MCFD2: variants seen among roughly 807,000 people sequenced by gnomAD.
MCFD2 encodes the protein multiple coagulation factor deficiency 2, ER cargo receptor complex subunit, also known as multiple coagulation factor deficiency protein 2.
MCFD2 carries 11 observed loss-of-function variants against 12.8 expected under a neutral mutation model. That is an observed-to-expected ratio of 0.86 (90% CI 0.54 to 1.42). The LOEUF is 1.42. Among genes scored for constraint, MCFD2 ranks in the 40% most tolerant of loss-of-function variants. The pLI is 0.00. For synonymous variants in MCFD2, 70 were observed against 68.1 expected (o/e 1.03, Z -0.14); for missense variants, 191 against 178.6 (o/e 1.07, Z -0.40).
At chr2:46,926,677 T>A (rs1283432894) in intron 1 of MCFD2, among the ~76,000 whole-genome samples, 1 of 152,238 alleles carries the variant, frequency 6.6e-6, no homozygotes, top group Non-Finnish European at 1.5e-5. Context: ...AAAATTATCC[T>A]AAGCATCAGA....
chr2:46,922,124 G>A (rs996624405), intron 1 of MCFD2, among the ~76,000 whole-genome samples: 2 of 152,074 alleles, frequency 1.3e-5, no homozygotes, highest in Admixed American at 6.5e-5. Context: ...GTGCCCTTGA[G>A]CAGGCTGGCT....
chr2:46,931,658 C>T (rs145238942), intron 1 of MCFD2, among the ~76,000 whole-genome samples: 126 of 151,492 alleles, frequency 8.3e-4, no homozygotes, highest in African/African-American at 2.9e-3. Context: ...TAGAGGCCAG[C>T]TGGTTCTTTG....
intron 1 of MCFD2, among the ~76,000 whole-genome samples, chr2:46,932,231 C>T (rs1669744492): frequency 6.6e-6 from 1 of 151,558 alleles, no homozygotes; most frequent in Non-Finnish European, 1.5e-5. Flanking sequence ...CTCACTGCAA[C>T]CTCTTCCTCC....
At position 46,905,433 on chromosome 2, in the gene MCFD2, G is replaced by A; in HGVS notation, c.*30C>T. 1.2e-6 allele frequency: 2 copies of A among 1,610,574 alleles called. No homozygotes were observed. The highest frequency in any genetic ancestry group is 1.7e-6 in the Non-Finnish European group (2 of 1,178,656). On this transcript the variant is annotated 3_prime_UTR_variant, in exon 4 of 4. Coordinates refer to ENST00000319466, the MANE Select transcript of MCFD2 (RefSeq NM_139279.6). Reference sequence around the variant, plus strand: ...AATCACATTATCACGGGTCACATTTGTATATAACCAGGAGATGGCCAAATA... The same window carrying A: ...AATCACATTATCACGGGTCACATTTATATATAACCAGGAGATGGCCAAATA...
At chr2:46,918,433 C>T (rs1372524898), upstream of MCFD2, among the ~76,000 whole-genome samples, 1 of 152,200 alleles carries the variant, frequency 6.6e-6, no homozygotes, top group African/African-American at 2.4e-5. Context: ...ACTGACCGTC[C>T]TGCTTCCATT....
At chr2:46,920,193 T>A (rs548545892), upstream of MCFD2, among the ~76,000 whole-genome samples, 2 of 152,234 alleles carry the variant, frequency 1.3e-5, no homozygotes, top group Non-Finnish European at 2.9e-5. Context: ...TATGTATACA[T>A]TAATACATAA....
At chr2:46,919,499 C>T (rs557495727), upstream of MCFD2, among the ~76,000 whole-genome samples, 1 of 152,358 alleles carries the variant, frequency 6.6e-6, no homozygotes, top group South Asian at 2.1e-4. Context: ...CACCATTGCT[C>T]TTCAGCCTGG....
At position 46,941,073 on chromosome 2, in the gene MCFD2, G is replaced by C. The variant is rs1200100702; in HGVS notation, c.-8+499C>G. The C allele has an allele frequency of 6.7e-6, 1 of 149,752 alleles. No individual in the cohort carries two copies. The highest frequency in any genetic ancestry group is 6.7e-5 in the Admixed American group (1 of 15,036). 9.3% of individuals were successfully genotyped at this position (149,752 alleles called of 1,614,324 possible). On this transcript the variant is annotated intron_variant, in intron 1 of 2. Transcript: ENST00000409147. The surrounding 1 kb of genome is among the most constrained non-coding windows in gnomAD (Gnocchi z 4.2). ...GCGGCGGGGGGCGGGTACCCGGGCGGCCGCGAGCGCCCTTCGCGCGCCTGG... is the reference window on the plus strand; with the variant it reads ...GCGGCGGGGGGCGGGTACCCGGGCGCCCGCGAGCGCCCTTCGCGCGCCTGG...
upstream of MCFD2, chr2:46,915,807 C>CGGGGGGG: frequency 9.4e-5 from 8 of 84,830 alleles, no homozygotes; most frequent in South Asian, 8.5e-4. Flanking sequence ...CTCGGCTTCG[C>CGGGGGGG]CCCGCCCCCC....
In MCFD2 at chr2:46,902,826, C is replaced by T. The variant is rs1002129385; in HGVS notation, c.*2637G>A. On this transcript the variant is annotated 3_prime_UTR_variant, in exon 4 of 4. Transcript: ENST00000319466. Reference sequence around the variant, plus strand: ...GTTTGCCTGAAGAGATAGGAACCACCAGGGCAAACATTTGGTATTCACTCC... The same window carrying T: ...GTTTGCCTGAAGAGATAGGAACCACTAGGGCAAACATTTGGTATTCACTCC... 1.4e-4 allele frequency: 22 copies of T among 152,270 alleles called. No homozygotes were observed. The highest frequency in any genetic ancestry group is 5.3e-4 in the African/African-American group (22 of 41,568). 9.4% of individuals were successfully genotyped at this position (152,270 alleles called of 1,614,324 possible).
chr2:46,910,022 C>T (rs529045977), intron 1 of MCFD2, among the ~76,000 whole-genome samples: 6 of 152,238 alleles, frequency 3.9e-5, no homozygotes, highest in East Asian at 1.9e-4. Flanking sequence ...TCAAGGTCTG[C>T]GGCAGCGGAC....
Position 46,940,733 on chromosome 2 carries a change from G to A in MCFD2, c.-8+839C>T, listed in dbSNP as rs544292989. 1.3e-5 allele frequency among the ~76,000 whole-genome samples: 2 copies of A among 152,288 alleles called. No homozygotes were observed. The highest frequency in any genetic ancestry group is 2.4e-5 in the African/African-American group (1 of 41,572). Reference sequence around the variant, plus strand: ...CCAGCAGAGGGGCGTCCAGAGAGTCGCGGGCCTGGGAACGGGCCTGGGTCC... The same window carrying A: ...CCAGCAGAGGGGCGTCCAGAGAGTCACGGGCCTGGGAACGGGCCTGGGTCC... On this transcript the variant is annotated intron_variant, in intron 1 of 2. Transcript: ENST00000409147. The surrounding 1 kb of genome is among the most constrained non-coding windows in gnomAD (Gnocchi z 4.7).
chr2:46,924,220 AC>A, intron 1 of MCFD2, among the ~76,000 whole-genome samples: 1 of 147,720 alleles, frequency 6.8e-6, no homozygotes, highest in African/African-American at 2.5e-5. Flanking sequence ...AAAAAAAAAA[AC>A]CCAACTAAAG....
chr2:46,922,784 C>A (rs981168233), intron 1 of MCFD2, among the ~76,000 whole-genome samples: 2 of 152,136 alleles, frequency 1.3e-5, no homozygotes, highest in Non-Finnish European at 2.9e-5. Context: ...AATTCTGCAG[C>A]AGACACCAGC....
Position 46,937,511 on chromosome 2 carries a change from C to G in MCFD2, c.-8+4061G>C, listed in dbSNP as rs113384022. 6.9e-3 allele frequency among the ~76,000 whole-genome samples: 1,050 copies of G among 152,300 alleles called. 13 individuals are homozygous for G. The highest frequency in any genetic ancestry group is 0.024 in the African/African-American group (983 of 41,558). Reference sequence around the variant, plus strand: ...TTTAGGAACATATCATCCAGAGCAGCCAGATTTATAGCAATTCATTTATAT... The same window carrying G: ...TTTAGGAACATATCATCCAGAGCAGGCAGATTTATAGCAATTCATTTATAT... On this transcript the variant is annotated intron_variant, in intron 1 of 2. Coordinates refer to the MCFD2 transcript ENST00000409147. This position sits in a 1 kb window ranked among gnomAD's most constrained non-coding sequence, Gnocchi z 4.0.
rs1426020898 is a variant in MCFD2 at position 46,941,224 on chromosome 2, G to C, written c.-8+348C>G. The C allele has an allele frequency of 1.3e-5, 2 of 150,588 alleles. No homozygotes were observed. The highest frequency in any genetic ancestry group is 2.9e-5 in the Non-Finnish European group (2 of 68,028). 9.3% of individuals were successfully genotyped at this position (150,588 alleles called of 1,614,324 possible). ...GGCGCCGGGGCCCGGGGCGGAGGCT[G>C]TGGCAGCAGCTGCAGCGGCGGCGGC... On this transcript the variant is annotated intron_variant, in intron 1 of 2. Transcript: ENST00000409147. The surrounding 1 kb of genome is among the most constrained non-coding windows in gnomAD (Gnocchi z 4.2).
rs1470147097 is a variant in MCFD2 at position 46,909,028 on chromosome 2, G to A, written c.144C>T (p.Asp48=). The A allele has an allele frequency of 6.2e-7, 1 of 1,614,102 alleles. No individual in the cohort carries two copies. Among genetic ancestry groups the A allele is most frequent in the African/African-American group, 1.3e-5 (1 of 74,936 alleles). ...AGCCCGGGCTGAATACGTACTCTTG[G>A]TCGTGCACTGTGTTCTTATCCAGGC... ...SMGLDKNTVH[D]QEHIMEHLEG... Residue 48 remains aspartate, a synonymous_variant, in exon 2 of 4, where the codon GAC becomes GAT. Coordinates refer to ENST00000319466, the MANE Select transcript of MCFD2 (RefSeq NM_139279.6).
chr2:46,922,668 C>CA (rs2103808530), intron 1 of MCFD2, among the ~76,000 whole-genome samples: 1 of 152,126 alleles, frequency 6.6e-6, no homozygotes, highest in South Asian at 2.1e-4. Flanking sequence ...AGAAACCACT[C>CA]AGAGTTTCTC....
At chr2:46,924,820 G>A (rs1188284391) in intron 1 of MCFD2, among the ~76,000 whole-genome samples, 1 of 152,196 alleles carries the variant, frequency 6.6e-6, no homozygotes, top group East Asian at 1.9e-4. Context: ...TAGAGACAAG[G>A]TTTCACCATG....
Sources: gnomAD v4.1 joint callset for allele counts (sites outside exome capture counted in the v4.1 genomes callset) on GRCh38, gnomAD v4.1.1 for gene constraint, Gnocchi (gnomAD v3.1) non-coding constraint, MANE v1.5 for transcripts, NCBI Gene and HGNC (gene_info 2026-07-23, HGNC 2026-07-21) for gene names.